Variants in LRP1B observed in about 807,000 individuals in gnomAD.
The protein encoded by LRP1B is low-density lipoprotein receptor-related protein 1B.
A neutral mutation model predicts 556.6 loss-of-function variants in LRP1B; 217 were observed. The observed-to-expected ratio is 0.39, with a 90% CI of 0.35 to 0.44. The LOEUF is 0.44. LRP1B is among the 20% of genes least tolerant of loss of function. LRP1B has a pLI of 1.00. For missense variants in LRP1B, 5,053 were observed against 5,620.8 expected (o/e 0.90, Z 3.23); for synonymous variants, 2,047 against 1,865.8 (o/e 1.10, Z -2.50).
intron 41 of LRP1B, chr2:140,683,464 T>C (rs1413469912): frequency 1.8e-6 from 1 of 555,366 alleles, no homozygotes; most frequent in Non-Finnish European, 3.5e-6. Flanking sequence ...ATGTCTCCTT[T>C]TGGGGCACAG....
chr2:140,370,886 T>C (rs2105165707), intron 70 of LRP1B, 44 bp from the exon 71 acceptor site: 1 of 1,600,146 alleles, frequency 6.2e-7, no homozygotes, highest in Non-Finnish European at 8.5e-7. Context: ...TTAATGATAA[T>C]GATACAATCA....
chr2:140,823,321 A>T (rs2105058825), intron 31 of LRP1B, among the ~76,000 whole-genome samples: 1 of 152,316 alleles, frequency 6.6e-6, no homozygotes, highest in Middle Eastern at 3.4e-3. Flanking sequence ...CTTCACTGAA[A>T]TTTAAGGAAT....
chr2:141,499,124 C>T (rs775091559), intron 2 of LRP1B, among the ~76,000 whole-genome samples: 7 of 151,996 alleles, frequency 4.6e-5, no homozygotes, highest in Admixed American at 6.6e-5. Context: ...TAATAATGCC[C>T]ATATATCAGG....
At chr2:140,284,470 T>C (rs561919301) in intron 84 of LRP1B, among the ~76,000 whole-genome samples, 111 of 151,782 alleles carry the variant, frequency 7.3e-4, no homozygotes, top group African/African-American at 2.6e-3. Flanking sequence ...ATTGTCATCA[T>C]GTTGTATGTA....
chr2:140,655,019 TG>T (rs1002799035), intron 41 of LRP1B, among the ~76,000 whole-genome samples: 4 of 151,916 alleles, frequency 2.6e-5, no homozygotes, highest in Admixed American at 2.0e-4. Flanking sequence ...GAAATTTGTA[TG>T]GGTATATGTA....
At chr2:140,683,274 T>C in intron 41 of LRP1B, 1 of 356,782 alleles carries the variant, frequency 2.8e-6, no homozygotes, top group Non-Finnish European at 5.4e-6. Flanking sequence ...GGGAATGTTT[T>C]CTCAGATATG....
chr2:141,247,561 T>A (rs1684113195), intron 4 of LRP1B, among the ~76,000 whole-genome samples: 1 of 152,178 alleles, frequency 6.6e-6, no homozygotes, highest in African/African-American at 2.4e-5. Context: ...CAATATCAAA[T>A]CATGTATTTT....
intron 1 of LRP1B, among the ~76,000 whole-genome samples, chr2:142,056,315 G>A (rs1255561947): frequency 2.0e-5 from 3 of 151,948 alleles, no homozygotes; most frequent in Non-Finnish European, 2.9e-5. Context: ...AAAAGATATA[G>A]TGTGCAGAAG....
intron 2 of LRP1B, among the ~76,000 whole-genome samples, chr2:141,481,701 T>C (rs1207986933): frequency 1.3e-5 from 2 of 152,188 alleles, no homozygotes; most frequent in African/African-American, 2.4e-5. Flanking sequence ...AAATGTAGCA[T>C]AGCAGAGTGC....
At chr2:142,089,425 T>C (rs1308509299) in intron 1 of LRP1B, among the ~76,000 whole-genome samples, 1 of 152,124 alleles carries the variant, frequency 6.6e-6, no homozygotes, top group Non-Finnish European at 1.5e-5. Flanking sequence ...TTTAGAAGGG[T>C]TGGAAAAGTC....
intron 86 of LRP1B, among the ~76,000 whole-genome samples, chr2:140,264,091 C>G (rs1202162114): frequency 6.6e-6 from 1 of 152,172 alleles, no homozygotes; most frequent in African/African-American, 2.4e-5. Context: ...TTCACATTGT[C>G]TGTTCATTCA....
At chr2:140,735,763 G>A (rs1687925920) in intron 35 of LRP1B, among the ~76,000 whole-genome samples, 2 of 152,114 alleles carry the variant, frequency 1.3e-5, no homozygotes, top group Admixed American at 1.3e-4. Flanking sequence ...TTCTGTCCTG[G>A]CTACTTGGCT....
At chr2:140,665,024 T>C (rs1048230089) in intron 41 of LRP1B, among the ~76,000 whole-genome samples, 5 of 152,158 alleles carry the variant, frequency 3.3e-5, no homozygotes, top group Admixed American at 2.6e-4. Context: ...TAGGAATTAA[T>C]AATTTGTATC....
chr2:140,601,258 G>T (rs1682659999), intron 42 of LRP1B, among the ~76,000 whole-genome samples, 192 bp downstream of exon 42: 1 of 151,710 alleles, frequency 6.6e-6, no homozygotes, highest in Non-Finnish European at 1.5e-5. Flanking sequence ...GGAAGATGAA[G>T]CCTGGCTTTT....
chr2:141,839,386 A>G (rs1477799845), intron 1 of LRP1B, among the ~76,000 whole-genome samples: 1 of 152,228 alleles, frequency 6.6e-6, no homozygotes, highest in Admixed American at 6.5e-5. Flanking sequence ...AACATGCACC[A>G]TTGAGCATGC....
chr2:140,648,691 T>C (rs1339191415), intron 41 of LRP1B, among the ~76,000 whole-genome samples: 2 of 152,154 alleles, frequency 1.3e-5, no homozygotes, highest in Admixed American at 1.3e-4. Flanking sequence ...TGAAGTAAGA[T>C]AGCTTGAAGA....
At chr2:141,528,793 C>T (rs572843726) in intron 2 of LRP1B, among the ~76,000 whole-genome samples, 31 of 152,008 alleles carry the variant, frequency 2.0e-4, no homozygotes, top group African/African-American at 6.3e-4. Context: ...ACAAGACTCA[C>T]GACTCAGTTT....
Position 140,535,630 on chromosome 2 carries a change from T to C in LRP1B, c.7642+951A>G, listed in dbSNP as rs183344040. The stretch of plus-strand genomic sequence containing the variant: ...ATGTAGATTCCTAAATTTTGCATAG[T>C]ACACGATCCCAATGCTATTGGATTT... On this transcript the variant is annotated intron_variant, in intron 46 of 90. Transcript: ENST00000389484. Among the ~76,000 whole-genome samples the C allele has an allele frequency of 2.9e-3, 447 of 152,258 alleles. 4 individuals are homozygous for C. Among genetic ancestry groups the C allele is most frequent in the African/African-American group, 0.01 (424 of 41,574 alleles).
chr2:140,257,486 T>C (rs894486648), intron 86 of LRP1B, among the ~76,000 whole-genome samples: 7 of 152,138 alleles, frequency 4.6e-5, no homozygotes, highest in Non-Finnish European at 1.0e-4. Context: ...AACTACGTAA[T>C]TGTTCTTTAT....
Sources: allele counts gnomAD v4.1 joint callset (sites outside exome capture counted in the v4.1 genomes callset), GRCh38; gene constraint gnomAD v4.1.1; transcripts MANE v1.5; gene names NCBI Gene and HGNC (gene_info 2026-07-23, HGNC 2026-07-21).